Variants in MICAL2 observed in about 807,000 individuals in gnomAD.
The protein encoded by MICAL2 is microtubule associated monooxygenase, calponin and LIM domain containing 2, also known as [F-actin]-monooxygenase MICAL2.
In MICAL2, 77 loss-of-function variants were observed where a neutral mutation model predicts 127.3. That is an observed-to-expected ratio of 0.60 (90% confidence interval 0.50 to 0.73). The LOEUF (loss-of-function observed/expected upper bound fraction) is 0.73, where lower values mean the gene tolerates loss of function less well. Ranked by LOEUF, MICAL2 falls within the 30% of genes least tolerant of loss-of-function variation. MICAL2 has a pLI of 0.00. For missense variants in MICAL2, 1,351 were observed against 1,434.4 expected (o/e 0.94, Z 0.94); for synonymous variants, 570 against 551.1 (o/e 1.03, Z -0.48).
exon 30 of MICAL2, chr11:12,319,805 G>A: frequency 6.2e-7 from 1 of 1,613,438 alleles, no homozygotes; most frequent in Non-Finnish European, 8.5e-7. Flanking sequence ...TTTCCTTGCA[G>A]TTAAAGGTAA....
Position 12,307,095 on chromosome 11 carries a change from T to C in MICAL2, c.5212+12238T>C, listed in dbSNP as rs1022029766. Among the ~76,000 whole-genome samples, 7 of 152,212 alleles carry C rather than the reference T, an allele frequency of 4.6e-5. No individual in the cohort carries two copies. The South Asian group carries it at 6.2e-4, about 13-fold the overall frequency. On this transcript the variant is annotated intron_variant, in intron 29 of 34. Coordinates refer to the MICAL2 transcript ENST00000646065. ...GCACAAGAGTTTCGGTTACTGTACA[T>C]CCATGCTAACACTTGACATTGTCAG...
intron 15 of MICAL2, among the ~76,000 whole-genome samples, chr11:12,227,663 G>A (rs1253409055): frequency 6.6e-6 from 1 of 152,158 alleles, no homozygotes; most frequent in East Asian, 1.9e-4. Context: ...ATAATATATG[G>A]ACCTTGCCTT....
Position 12,308,615 on chromosome 11 carries a change from C to T in MICAL2, c.5213-11081C>T, listed in dbSNP as rs1401620449. 2.0e-4 allele frequency among the ~76,000 whole-genome samples: 31 copies of T among 152,170 alleles called. 1 individual carries two copies. The highest frequency in any genetic ancestry group is 2.0e-3 in the Admixed American group (31 of 15,280). The stretch of plus-strand genomic sequence containing the variant: ...TTAACTTTATATTGACCTTACTAAA[C>T]TCACTTATTATTGTAATAGCTTTTA... On this transcript the variant is annotated intron_variant, in intron 29 of 34. Transcript: ENST00000646065.
chr11:12,337,061 C>T (rs1015987921), intron 32 of MICAL2, among the ~76,000 whole-genome samples: 24 of 152,260 alleles, frequency 1.6e-4, no homozygotes, highest in Admixed American at 1.1e-3. Flanking sequence ...TGGTAGAATT[C>T]GGCTGTGAAT....
chr11:12,187,985 C>A (rs1045145639), intron 3 of MICAL2, among the ~76,000 whole-genome samples: 3 of 152,138 alleles, frequency 2.0e-5, no homozygotes, highest in African/African-American at 4.8e-5. Flanking sequence ...GCCCACTGTT[C>A]AGTGTTGCTT....
At chr11:12,250,965 T>C (rs1409394184) in intron 22 of MICAL2, among the ~76,000 whole-genome samples, 1 of 152,036 alleles carries the variant, frequency 6.6e-6, no homozygotes, top group Non-Finnish European at 1.5e-5. Flanking sequence ...TCTCCATGAG[T>C]TGAGCATTTA....
At chr11:12,226,844 C>T (rs1397887530) in intron 14 of MICAL2, among the ~76,000 whole-genome samples, 181 bp from the exon 15 acceptor site, 10 of 151,682 alleles carry the variant, frequency 6.6e-5, no homozygotes, top group African/African-American at 1.7e-4. Flanking sequence ...TTAGTAGAGA[C>T]GCGGTTTCAC....
At chr11:12,204,668 A>G (rs145623249) in intron 4 of MICAL2, among the ~76,000 whole-genome samples, 1 of 152,350 alleles carries the variant, frequency 6.6e-6, no homozygotes, top group African/African-American at 2.4e-5. Flanking sequence ...CCATGAGGTC[A>G]GGGATTGCAG....
At chr11:12,121,947 G>T (rs1438863763) in intron 1 of MICAL2, among the ~76,000 whole-genome samples, 1 of 152,188 alleles carries the variant, frequency 6.6e-6, no homozygotes, top group African/African-American at 2.4e-5. Flanking sequence ...CACTGAAATG[G>T]GCTTGCTTTC....
chr11:12,331,242 T>C (rs1864424879), intron 32 of MICAL2, among the ~76,000 whole-genome samples: 1 of 152,206 alleles, frequency 6.6e-6, no homozygotes, highest in Non-Finnish European at 1.5e-5. Context: ...ATCTGGGCTT[T>C]CTTTCAATAC....
At position 12,134,776 on chromosome 11, in the gene MICAL2, G is replaced by A. The variant is rs76597682; in HGVS notation, c.-148-3614G>A. On this transcript the variant is annotated intron_variant, in intron 1 of 27. Transcript: ENST00000683283. ...AGGCTGAGGCTGGAGGAGCGTTCAAGGCCAGCAGTTCAAGATCAGCATAGT... is the reference window on the plus strand; with the variant it reads ...AGGCTGAGGCTGGAGGAGCGTTCAAAGCCAGCAGTTCAAGATCAGCATAGT... Among the ~76,000 whole-genome samples the A allele has an allele frequency of 3.9e-4, 60 of 152,262 alleles. No homozygotes were observed. The East Asian group carries it at 9.6e-3, about 24-fold the overall frequency.
intron 1 of MICAL2, among the ~76,000 whole-genome samples, chr11:12,118,158 T>C (rs1430862295): frequency 2.0e-5 from 3 of 152,194 alleles, no homozygotes; most frequent in African/African-American, 7.2e-5. Context: ...TCTTGTATCT[T>C]GGGCTTTCTT....
intron 29 of MICAL2, among the ~76,000 whole-genome samples, chr11:12,309,704 A>T (rs560276030): frequency 1.2e-4 from 19 of 152,214 alleles, no homozygotes; most frequent in Non-Finnish European, 2.2e-4. Context: ...TAGGCCTGCT[A>T]GATCATATGG....
chr11:12,250,474 G>A (rs890837036), intron 22 of MICAL2, among the ~76,000 whole-genome samples: 11 of 152,330 alleles, frequency 7.2e-5, no homozygotes, highest in Non-Finnish European at 1.2e-4. Context: ...AGCCCTGCAA[G>A]GTTGGTGGAA....
chr11:12,261,697 GGT>G, intron 26 of MICAL2: 1 of 985,440 alleles, frequency 1.0e-6, no homozygotes, highest in South Asian at 4.7e-5. Flanking sequence ...GGAAGAAGGA[GGT>G]GCATTTCTAC....
chr11:12,361,537 T>A (rs946145524), downstream of MICAL2, among the ~76,000 whole-genome samples: 2 of 152,176 alleles, frequency 1.3e-5, no homozygotes, highest in African/African-American at 4.8e-5. Flanking sequence ...AAAAATAAGT[T>A]TGTATTTCTA....
At chr11:12,304,858 A>C (rs1217259852) in intron 29 of MICAL2, among the ~76,000 whole-genome samples, 2 of 152,156 alleles carry the variant, frequency 1.3e-5, no homozygotes, top group East Asian at 3.9e-4. Context: ...CATAGTCTAG[A>C]GTAAATCCTT....
At chr11:12,175,364 T>A (rs1298689851) in intron 3 of MICAL2, among the ~76,000 whole-genome samples, 2 of 152,080 alleles carry the variant, frequency 1.3e-5, no homozygotes, top group East Asian at 1.9e-4. Flanking sequence ...TAATCCCAGC[T>A]ACTCAGGAGG....
intron 22 of MICAL2, chr11:12,249,932 G>A (rs1861317084): frequency 2.0e-5 from 3 of 152,322 alleles, no homozygotes; most frequent in Non-Finnish European, 4.4e-5. Context: ...CACTCAGGGA[G>A]TGCAAACTGA....
Sources: gnomAD v4.1 joint callset for allele counts (sites outside exome capture counted in the v4.1 genomes callset) on GRCh38, gnomAD v4.1.1 for gene constraint, MANE v1.5 for transcripts, NCBI Gene and HGNC (gene_info 2026-07-23, HGNC 2026-07-21) for gene names.